The following LPIN1 variants were observed in gnomAD, a reference collection of about 807,000 sequenced individuals.
The protein encoded by LPIN1 is phosphatidate phosphatase LPIN1.
Under a neutral mutation model 107.5 loss-of-function variants are expected in LPIN1, and 71 were observed. That is an observed-to-expected ratio of 0.66 (90% CI 0.55 to 0.80). The LOEUF (loss-of-function observed/expected upper bound fraction) is 0.80, where lower values mean the gene tolerates loss of function less well. LPIN1 is among the 30% of genes least tolerant of loss of function. The pLI, the probability that LPIN1 is intolerant of heterozygous loss-of-function variation, is 0.00. For missense variants in LPIN1, 1,043 were observed against 1,160.6 expected (o/e 0.90, Z 1.47); for synonymous variants, 445 against 452.6 (o/e 0.98, Z 0.21).
chr2:11,722,382 T>A (rs1270039871), upstream of LPIN1: 3 of 152,282 alleles, frequency 2.0e-5, no homozygotes, highest in African/African-American at 7.2e-5. Context: ...GCTTCAGATA[T>A]CACACTTAGA....
intron 4 of LPIN1, among the ~76,000 whole-genome samples, chr2:11,772,336 A>G (rs1434803125): frequency 1.3e-5 from 2 of 152,188 alleles, no homozygotes; most frequent in African/African-American, 2.4e-5. Context: ...CCAATCCTAG[A>G]GTGGTATAAA....
chr2:11,790,554 A>G (rs183902988), intron 12 of LPIN1, among the ~76,000 whole-genome samples: 3 of 152,350 alleles, frequency 2.0e-5, no homozygotes, highest in Admixed American at 6.5e-5. Flanking sequence ...CTCCGCATGC[A>G]TTGCAGCCTG....
Position 11,779,629 on chromosome 2 carries a change from TG to T in LPIN1, c.942del (p.Pro315ArgfsTer12), listed in dbSNP as rs1572770217. ...GAAATGCTTTGGCTGTGGGGAGAGC[TG>T]CCGCAGGCTGCTAAGGTGAGAGTCT... ...NPEMLWLWGE[L>X]PQAAKSSSPH... On this transcript the variant is annotated frameshift_variant, in exon 7 of 21. Coordinates refer to ENST00000674199, the MANE Select transcript of LPIN1 (RefSeq NM_001349206.2). LOFTEE classifies it high-confidence loss of function. 6.2e-7 allele frequency: 1 copy of T among 1,614,108 alleles called. No homozygotes were observed. Among genetic ancestry groups the T allele is most frequent in the Non-Finnish European group, 8.5e-7 (1 of 1,179,978 alleles).
intron 18 of LPIN1, chr2:11,819,046 ACAC>A: frequency 1.0e-5 from 1 of 99,666 alleles, no homozygotes; most frequent in Non-Finnish European, 1.9e-5. Flanking sequence ...ACACACATAC[ACAC>A]ACACACACAC....
At chr2:11,762,049 C>A (rs1319694198) in intron 1 of LPIN1, among the ~76,000 whole-genome samples, 1 of 152,064 alleles carries the variant, frequency 6.6e-6, no homozygotes, top group Non-Finnish European at 1.5e-5. Flanking sequence ...CAGTCACAGT[C>A]TGGGCCTCCT....
At chr2:11,822,991 T>A (rs1247023326) in intron 20 of LPIN1, 5 of 152,234 alleles carry the variant, frequency 3.3e-5, no homozygotes, top group Non-Finnish European at 7.3e-5. Context: ...GTTGTTCCTG[T>A]GAGAGAGTAA....
At chr2:11,777,069 A>G (rs1350541872) in intron 6 of LPIN1, 22 of 152,236 alleles carry the variant, frequency 1.4e-4, no homozygotes, top group Admixed American at 1.4e-3. Flanking sequence ...TACCTTGTTT[A>G]TGAACATCAG....
intron 1 of LPIN1, among the ~76,000 whole-genome samples, chr2:11,692,300 CACATACTTGGCACATACT>C (rs1558721632): frequency 3.3e-5 from 4 of 120,922 alleles, no homozygotes; most frequent in African/African-American, 2.8e-4. Flanking sequence ...ACATACTTGG[CACATACTTGGCACATACT>C]TGGCACATAC....
At chr2:11,789,544 G>T (rs1292151810) in intron 12 of LPIN1, among the ~76,000 whole-genome samples, 7 of 151,448 alleles carry the variant, frequency 4.6e-5, no homozygotes, top group African/African-American at 1.7e-4. Flanking sequence ...GTGCGTGCAT[G>T]TGTGGATGTG....
intron 8 of LPIN1, among the ~76,000 whole-genome samples, chr2:11,783,357 G>A (rs1673895967): frequency 6.6e-6 from 1 of 152,146 alleles, no homozygotes; most frequent in Non-Finnish European, 1.5e-5. Flanking sequence ...TACACTTCAG[G>A]CACTTTACAG....
chr2:11,764,078 G>GTATATATA (rs770059867), intron 1 of LPIN1: 35 of 63,278 alleles, frequency 5.5e-4, no homozygotes, highest in South Asian at 1.6e-3. Flanking sequence ...GTGTGTGTGT[G>GTATATATA]TATATATATA....
At chr2:11,732,128 A>C (rs967956992) in intron 1 of LPIN1, among the ~76,000 whole-genome samples, 2 of 152,012 alleles carry the variant, frequency 1.3e-5, no homozygotes, top group Non-Finnish European at 1.5e-5. Flanking sequence ...GACAAGCACA[A>C]TTTTTAAGTA....
intron 1 of LPIN1, among the ~76,000 whole-genome samples, chr2:11,683,741 C>T (rs1052527784): frequency 6.6e-5 from 10 of 152,198 alleles, no homozygotes; most frequent in African/African-American, 2.4e-4. Context: ...TCTGTTCCTC[C>T]AGGACGGCTG....
chr2:11,718,791 C>T (rs78208426), intron 2 of LPIN1, among the ~76,000 whole-genome samples: 5,157 of 152,276 alleles, frequency 0.034, 169 homozygotes, highest in African/African-American at 0.078. Flanking sequence ...TTGAGGTAGC[C>T]GTTTTTCATT....
intron 10 of LPIN1, among the ~76,000 whole-genome samples, chr2:11,785,836 TC>T (rs1674474086): frequency 6.6e-6 from 1 of 152,138 alleles, no homozygotes; most frequent in African/African-American, 2.4e-5. Context: ...AATTTTTTCT[TC>T]CGCAAAGATT....
chr2:11,819,520 C>G lies in LPIN1; in HGVS notation c.2439C>G (p.Val813=). The change falls in exon 19 of 21, where the codon GTC becomes GTG. Residue 813 remains valine, a synonymous_variant. Transcript: ENST00000674199. ...VIEKKPEKFK[V]QCLTDIKNLF... is the part of the protein sequence containing the mutation. ...AAAAGAAGCCAGAAAAGTTTAAAGT[C>G]CAGTGTTTGACAGACATCAAAAACC... The G allele has an allele frequency of 6.2e-7, 1 of 1,613,820 alleles. No individual in the cohort carries two copies. Among genetic ancestry groups the G allele is most frequent in the South Asian group, 1.1e-5 (1 of 91,076 alleles).
intron 1 of LPIN1, among the ~76,000 whole-genome samples, chr2:11,688,115 T>G (rs1258677314): frequency 6.6e-6 from 1 of 152,198 alleles, no homozygotes; most frequent in Non-Finnish European, 1.5e-5. Context: ...AATGCTTCAC[T>G]CTCCGACGCG....
At chr2:11,731,415 C>T (rs61546710) in intron 1 of LPIN1, among the ~76,000 whole-genome samples, 35,489 of 152,162 alleles carry the variant, frequency 0.23, 9,074 homozygotes, top group African/African-American at 0.64. Context: ...CATTCTTTTT[C>T]ATGGCTGCAT....
At chr2:11,794,464 A>G (rs1676318065) in intron 13 of LPIN1, among the ~76,000 whole-genome samples, 1 of 152,274 alleles carries the variant, frequency 6.6e-6, no homozygotes, top group Admixed American at 6.5e-5. Flanking sequence ...TGATAAATAG[A>G]TAAAACATAA....
Sources: gnomAD v4.1 joint callset for allele counts (sites outside exome capture counted in the v4.1 genomes callset) on GRCh38, gnomAD v4.1.1 for gene constraint, MANE v1.5 for transcripts, NCBI Gene and HGNC (gene_info 2026-07-23, HGNC 2026-07-21) for gene names.